The following RERE variants were observed in gnomAD, a reference collection of about 807,000 sequenced individuals.
RERE encodes the protein arginine-glutamic acid dipeptide repeats.
Under a neutral mutation model 146.1 loss-of-function variants are expected in RERE, and 40 were observed. The observed-to-expected ratio is 0.27, with a 90% CI of 0.21 to 0.36. The LOEUF is 0.36. Ranked by LOEUF, RERE falls within the 10% of genes least tolerant of loss-of-function variation. The probability of loss-of-function intolerance (pLI) is 1.00; values close to 1 mark genes in which losing one functional copy is unlikely to be tolerated. For missense variants in RERE, 1,933 were observed against 2,138.7 expected (o/e 0.90, Z 1.90); for synonymous variants, 1,003 against 866.0 (o/e 1.16, Z -2.78).
chr1:8,435,603 G>T (rs1395930962), intron 11 of RERE, among the ~76,000 whole-genome samples: 1 of 152,194 alleles, frequency 6.6e-6, no homozygotes, highest in Non-Finnish European at 1.5e-5. Flanking sequence ...CCAGAGTAGA[G>T]CCAGTGATTT....
At chr1:8,500,084 G>A (rs796958076) in intron 8 of RERE, among the ~76,000 whole-genome samples, 19 of 152,348 alleles carry the variant, frequency 1.2e-4, no homozygotes, top group African/African-American at 4.1e-4. Context: ...TTGCACCACT[G>A]CACTCCAGCT....
intron 1 of RERE, among the ~76,000 whole-genome samples, chr1:8,754,301 G>T (rs1175608207): frequency 6.6e-6 from 1 of 151,028 alleles, no homozygotes; most frequent in Non-Finnish European, 1.5e-5. Context: ...GTGTTCAATC[G>T]TTTCAGCTTC....
intron 1 of RERE, among the ~76,000 whole-genome samples, chr1:8,674,317 T>G (rs1488205808): frequency 6.6e-6 from 1 of 152,042 alleles, no homozygotes; most frequent in East Asian, 1.9e-4. Context: ...GACATTATCA[T>G]CAGAAGGAAA....
At chr1:8,590,548 G>C (rs537474449) in intron 4 of RERE, among the ~76,000 whole-genome samples, 16 of 152,154 alleles carry the variant, frequency 1.1e-4, no homozygotes, top group Non-Finnish European at 2.4e-4. Context: ...TGGAAATGCA[G>C]TGCGGCCCAC....
chr1:8,690,121 A>T (rs1011337067), intron 1 of RERE, among the ~76,000 whole-genome samples: 1 of 152,212 alleles, frequency 6.6e-6, no homozygotes, highest in Non-Finnish European at 1.5e-5. Flanking sequence ...TGGCTTAAAC[A>T]GCAAAAATTT....
intron 1 of RERE, among the ~76,000 whole-genome samples, chr1:8,788,706 A>G (rs924345858): frequency 3.3e-5 from 5 of 151,796 alleles, no homozygotes; most frequent in Non-Finnish European, 5.9e-5. Flanking sequence ...ATAGTAACAA[A>G]GAAGTCCAAC....
chr1:8,758,187 G>A (rs776085222), intron 1 of RERE, among the ~76,000 whole-genome samples: 1 of 151,906 alleles, frequency 6.6e-6, no homozygotes, highest in Non-Finnish European at 1.5e-5. Context: ...CCAGGTTCAA[G>A]CAATTCTCCT....
chr1:8,736,053 G>A (rs1640189984), intron 1 of RERE, among the ~76,000 whole-genome samples: 1 of 152,168 alleles, frequency 6.6e-6, no homozygotes, highest in Non-Finnish European at 1.5e-5. Flanking sequence ...ATGGATAGAG[G>A]ATGATTCTAC....
chr1:8,536,104 CAAAA>C (rs35142876), intron 7 of RERE, among the ~76,000 whole-genome samples: 1 of 105,248 alleles, frequency 9.5e-6, no homozygotes, highest in Non-Finnish European at 2.0e-5. Context: ...GACTCCATCT[CAAAA>C]AAAAAAAAAA....
intron 11 of RERE, among the ~76,000 whole-genome samples, chr1:8,450,652 A>G (rs1454680053): frequency 6.6e-6 from 1 of 152,048 alleles, no homozygotes; most frequent in African/African-American, 2.4e-5. Context: ...TCCACACAGA[A>G]TCCCTTTTAA....
At chr1:8,614,797 C>T in intron 3 of RERE, 111 bp from the exon 4 acceptor site, 1 of 1,162,930 alleles carries the variant, frequency 8.6e-7, no homozygotes, top group Non-Finnish European at 1.2e-6. Flanking sequence ...TAGCAGATGA[C>T]CTCTGAAACC....
At chr1:8,596,981 T>C (rs1026286603) in intron 4 of RERE, among the ~76,000 whole-genome samples, 1 of 152,148 alleles carries the variant, frequency 6.6e-6, no homozygotes, top group Non-Finnish European at 1.5e-5. Context: ...AGCATTAACA[T>C]GACAGATGCC....
intron 6 of RERE, among the ~76,000 whole-genome samples, chr1:8,543,476 T>C (rs1332268748): frequency 6.6e-6 from 1 of 152,202 alleles, no homozygotes; most frequent in Non-Finnish European, 1.5e-5. Context: ...AGGAAATTGA[T>C]TCTTCTTTTA....
At chr1:8,577,210 T>C (rs1464757442) in intron 4 of RERE, among the ~76,000 whole-genome samples, 2 of 151,976 alleles carry the variant, frequency 1.3e-5, no homozygotes, top group Non-Finnish European at 2.9e-5. Context: ...ACTTTTGAAT[T>C]TTTTTGTTTT....
intron 1 of RERE, among the ~76,000 whole-genome samples, chr1:8,703,891 C>G (rs1162112244): frequency 2.0e-5 from 3 of 152,166 alleles, no homozygotes; most frequent in Non-Finnish European, 2.9e-5. Context: ...ACTTCTGACC[C>G]CAGTTTTCCT....
At chr1:8,570,809 C>T (rs753461483) in intron 4 of RERE, among the ~76,000 whole-genome samples, 4 of 152,010 alleles carry the variant, frequency 2.6e-5, no homozygotes, top group Non-Finnish European at 5.9e-5. Flanking sequence ...AGTATGCTCC[C>T]GAAACAGCAC....
intron 11 of RERE, among the ~76,000 whole-genome samples, chr1:8,437,592 CTT>C (rs982317431): frequency 8.5e-5 from 13 of 152,140 alleles, no homozygotes; most frequent in Admixed American, 8.5e-4. Context: ...ACGCTGCTGG[CTT>C]TTGTTTGGAA....
intron 12 of RERE, among the ~76,000 whole-genome samples, chr1:8,417,984 C>G (rs988230033): frequency 6.6e-6 from 1 of 152,168 alleles, no homozygotes; most frequent in Non-Finnish European, 1.5e-5. Flanking sequence ...GTTCAAACAC[C>G]GCCCCTCCAA....
At chr1:8,438,511 G>A (rs866539202) in intron 11 of RERE, among the ~76,000 whole-genome samples, 3 of 152,142 alleles carry the variant, frequency 2.0e-5, no homozygotes, top group African/African-American at 7.2e-5. Flanking sequence ...CCATATAGAT[G>A]GGTCTCTGGA....
Sources: gnomAD v4.1 joint callset for allele counts (sites outside exome capture counted in the v4.1 genomes callset) on GRCh38, gnomAD v4.1.1 for gene constraint, MANE v1.5 for transcripts, NCBI Gene and HGNC (gene_info 2026-07-23, HGNC 2026-07-21) for gene names.